ZC3H12B: variants seen among roughly 807,000 people sequenced by gnomAD.
The protein encoded by ZC3H12B is zinc finger CCCH-type containing 12B.
In ZC3H12B, 7 loss-of-function variants were observed where a neutral mutation model predicts 43.9. That is an observed-to-expected ratio of 0.16 (90% confidence interval 0.09 to 0.30). The LOEUF (loss-of-function observed/expected upper bound fraction) is 0.30. ZC3H12B is among the 10% of genes least tolerant of loss of function. ZC3H12B has a pLI of 1.00. For synonymous variants in ZC3H12B, 222 were observed against 241.7 expected (o/e 0.92, Z 0.76); for missense variants, 475 against 670.2 (o/e 0.71, Z 3.22).
At chrX:65,217,396 C>A in the ZC3H12B span, among the ~76,000 whole-genome samples, 1 of 111,466 alleles carries the variant, frequency 9.0e-6, no homozygotes, top group Non-Finnish European at 1.9e-5. Context: ...CTTCATTGCC[C>A]AGACATCTAT....
exon 5 of ZC3H12B, chrX:65,504,076 T>C (rs1317921114): frequency 8.9e-6 from 1 of 112,836 alleles, no homozygotes; most frequent in Non-Finnish European, 1.9e-5. Flanking sequence ...ATGCATACTT[T>C]ATTGCATGGA....
intron 3 of ZC3H12B, among the ~76,000 whole-genome samples, chrX:65,448,997 G>GGAAA (rs371782533): frequency 1.2e-3 from 4 of 3,339 alleles, no homozygotes; most frequent in Non-Finnish European, 4.2e-3. Flanking sequence ...AAGAAAGAGA[G>GGAAA]GAAAGAAAGA....
At chrX:65,320,019 C>T in the ZC3H12B span, among the ~76,000 whole-genome samples, 1 of 111,296 alleles carries the variant, frequency 9.0e-6, no homozygotes, top group African/African-American at 3.3e-5. Context: ...CTCACCACTC[C>T]TATTAAATAT....
chrX:65,163,889 C>T, the ZC3H12B span, among the ~76,000 whole-genome samples: 2 of 111,972 alleles, frequency 1.8e-5, no homozygotes, highest in Admixed American at 9.5e-5. Context: ...TGTAGACCGT[C>T]GCTGTTCCTA....
intron 3 of ZC3H12B, among the ~76,000 whole-genome samples, chrX:65,423,745 G>A (rs1466961505): frequency 9.0e-6 from 1 of 111,723 alleles, no homozygotes; most frequent in Non-Finnish European, 1.9e-5. Flanking sequence ...GTAGATTCTG[G>A]ATATTAGCCC....
At chrX:65,064,426 A>G in the ZC3H12B span, among the ~76,000 whole-genome samples, 25 of 112,073 alleles carry the variant, frequency 2.2e-4, 1 homozygote, top group South Asian at 9.3e-3. Context: ...AGTCATTCAG[A>G]AGCAGGTTGT....
Position 65,401,991 on chromosome X carries a change from A to G in ZC3H12B, n.407+3287A>G, listed in dbSNP as rs769455266. Among the ~76,000 whole-genome samples the G allele has an allele frequency of 2.9e-4, 33 of 112,092 alleles. 1 individual carries two copies. The highest frequency in any genetic ancestry group is 1.1e-3 in the South Asian group (3 of 2,681). On this transcript the variant is annotated intron_variant and non_coding_transcript_variant, in intron 3 of 5. Coordinates refer to the ZC3H12B transcript ENST00000617377. ...GATATCAGCATGACTATAGGAGGAT[A>G]TAACACCAAGTGGGCACTCTTGGAA...
At chrX:65,174,132 A>C in the ZC3H12B span, among the ~76,000 whole-genome samples, 193 of 111,070 alleles carry the variant, frequency 1.7e-3, 2 homozygotes, top group African/African-American at 6.1e-3. Context: ...CCAGAGGGGC[A>C]CCAGCCTAAT....
intron 3 of ZC3H12B, among the ~76,000 whole-genome samples, chrX:65,429,572 G>T (rs2067127026): frequency 8.9e-6 from 1 of 112,532 alleles, no homozygotes; most frequent in African/African-American, 3.2e-5. Flanking sequence ...GGGGGTGGGG[G>T]GCTTTCTCAC....
At chrX:65,096,465 G>T in the ZC3H12B span, among the ~76,000 whole-genome samples, 1 of 112,036 alleles carries the variant, frequency 8.9e-6, no homozygotes, top group African/African-American at 3.2e-5. Flanking sequence ...TGTAAGCAGA[G>T]ACATGGAAAT....
chrX:65,370,374 A>C (rs886546916), intron 2 of ZC3H12B, among the ~76,000 whole-genome samples: 1 of 111,322 alleles, frequency 9.0e-6, no homozygotes, highest in Admixed American at 9.6e-5. Flanking sequence ...ACTCTCTCGG[A>C]GTCTCAGTTT....
the ZC3H12B span, among the ~76,000 whole-genome samples, chrX:65,223,865 C>T: frequency 3.6e-5 from 4 of 112,067 alleles, no homozygotes; most frequent in Non-Finnish European, 5.6e-5. Flanking sequence ...AATGTAAACT[C>T]ATACAACCAC....
chrX:65,282,061 G>A, the ZC3H12B span, among the ~76,000 whole-genome samples: 3 of 111,470 alleles, frequency 2.7e-5, no homozygotes, highest in Non-Finnish European at 5.7e-5. Context: ...ACTCTTTTAT[G>A]ATAAAAAAAG....
At chrX:65,229,143 G>C in the ZC3H12B span, among the ~76,000 whole-genome samples, 1 of 110,366 alleles carries the variant, frequency 9.1e-6, no homozygotes, top group Non-Finnish European at 1.9e-5. Flanking sequence ...ATACTACAAG[G>C]CTACAGTAAC....
At chrX:65,308,545 T>A in the ZC3H12B span, among the ~76,000 whole-genome samples, 3 of 111,444 alleles carry the variant, frequency 2.7e-5, no homozygotes, top group Admixed American at 9.5e-5. Flanking sequence ...AATGGGAGAC[T>A]TTAGCACCCC....
the ZC3H12B span, among the ~76,000 whole-genome samples, chrX:65,212,580 G>T: frequency 0.15 from 10,992 of 75,725 alleles, 2,269 homozygotes; most frequent in African/African-American, 0.53. Flanking sequence ...TAATTATACA[G>T]TATATATTAT....
chrX:65,128,681 A>G, the ZC3H12B span, among the ~76,000 whole-genome samples: 827 of 111,709 alleles, frequency 7.4e-3, 6 homozygotes, highest in African/African-American at 0.026. Context: ...AGATTTGTCT[A>G]TTTTTCTTTT....
At chrX:65,164,321 G>T in the ZC3H12B span, among the ~76,000 whole-genome samples, 1 of 111,153 alleles carries the variant, frequency 9.0e-6, no homozygotes, top group Non-Finnish European at 1.9e-5. Context: ...CAGTTTTTTG[G>T]TGTGGTTAAT....
At chrX:65,114,226 G>T in the ZC3H12B span, among the ~76,000 whole-genome samples, 1 of 106,557 alleles carries the variant, frequency 9.4e-6, no homozygotes, top group Non-Finnish European at 1.9e-5. Context: ...TTCTTGTACT[G>T]TTTTTTTGTT....
Sources: gnomAD v4.1 joint callset for allele counts (sites outside exome capture counted in the v4.1 genomes callset) on GRCh38, gnomAD v4.1.1 for gene constraint, MANE v1.5 for transcripts, NCBI Gene and HGNC (gene_info 2026-07-23, HGNC 2026-07-21) for gene names.